GPC6: variants seen among roughly 807,000 people sequenced by gnomAD.
GPC6 encodes glypican-6.
A neutral mutation model predicts 55.2 loss-of-function variants in GPC6; 14 were observed. The ratio of observed to expected loss-of-function variants is 0.25; its 90% CI spans 0.17 to 0.40. The LOEUF is 0.40. GPC6 is among the 10% of genes least tolerant of loss of function. GPC6 has a pLI of 1.00. For synonymous variants in GPC6, 278 were observed against 259.6 expected (o/e 1.07, Z -0.68); for missense variants, 641 against 708.5 (o/e 0.90, Z 1.08).
chr13:93,966,650 C>CTTTTT (rs771603219), intron 3 of GPC6, among the ~76,000 whole-genome samples: 1 of 79,762 alleles, frequency 1.3e-5, no homozygotes, highest in African/African-American at 4.8e-5. Context: ...TTGTTTCCTT[C>CTTTTT]ATTTTTTTTT....
At chr13:93,340,026 C>CTTTTTTTTTTT (rs10714044) in intron 1 of GPC6, among the ~76,000 whole-genome samples, 1 of 81,618 alleles carries the variant, frequency 1.2e-5, no homozygotes, top group Non-Finnish European at 2.2e-5. Context: ...AGTTTTCTTT[C>CTTTTTTTTTTT]TTTTTTTTTT....
At chr13:93,442,278 A>C (rs1452909208) in intron 1 of GPC6, among the ~76,000 whole-genome samples, 5 of 152,134 alleles carry the variant, frequency 3.3e-5, no homozygotes, top group Non-Finnish European at 7.3e-5. Flanking sequence ...GTGGAATTGG[A>C]GCGAGAAAGA....
intron 3 of GPC6, among the ~76,000 whole-genome samples, chr13:93,977,712 GCTT>G (rs1401394248): frequency 6.6e-6 from 1 of 152,076 alleles, no homozygotes; most frequent in Non-Finnish European, 1.5e-5. Flanking sequence ...ACTGCCTTCT[GCTT>G]CAGCCTGACT....
Position 93,787,007 on chromosome 13 carries a change from T to C in GPC6, c.320-43147T>C, listed in dbSNP as rs191203502. 1.9e-4 allele frequency among the ~76,000 whole-genome samples: 29 copies of C among 152,326 alleles called. No individual in the cohort carries two copies. The East Asian group carries it at 4.0e-3, about 21-fold the overall frequency. On this transcript the variant is annotated intron_variant, in intron 2 of 8. Coordinates refer to ENST00000377047, the MANE Select transcript of GPC6 (RefSeq NM_005708.5). ...CCTATTGTTGTACATTTTAAGGATG[T>C]ACTGAAAGGTACTTTCAAGTCTGAA...
intron 1 of GPC6, among the ~76,000 whole-genome samples, chr13:93,389,320 A>G (rs1195652430): frequency 6.6e-6 from 1 of 150,820 alleles, no homozygotes; most frequent in Admixed American, 6.6e-5. Flanking sequence ...ACATAGTGAA[A>G]CCCCGTCTCT....
intron 2 of GPC6, among the ~76,000 whole-genome samples, chr13:93,795,494 A>G (rs550502789): frequency 6.6e-6 from 1 of 152,298 alleles, no homozygotes; most frequent in South Asian, 2.1e-4. Flanking sequence ...AATGTGTCAT[A>G]TATGTAGAAA....
In GPC6 at chr13:94,403,034, A is replaced by T. The variant is rs140343089; in HGVS notation, c.1485A>T (p.Ser495=). The change falls in exon 9 of 9, where the codon TCA becomes TCT. Residue 495 remains serine, a synonymous_variant. Coordinates refer to ENST00000377047, the MANE Select transcript of GPC6 (RefSeq NM_005708.5). Reference sequence around the variant, plus strand: ...CACTAGGTGATGAATCCAGTGGCTCAGGGAGTGGCAGTGGGTGCATGGATG... The same window carrying T: ...CACTAGGTGATGAATCCAGTGGCTCTGGGAGTGGCAGTGGGTGCATGGATG... ...FQDTSDESSG[S]GSGSGCMDDV... The T allele has an allele frequency of 3.8e-4, 607 of 1,612,400 alleles. 2 individuals are homozygous for T. The highest frequency in any genetic ancestry group is 2.5e-3 in the African/African-American group (190 of 75,008).
intron 2 of GPC6, among the ~76,000 whole-genome samples, chr13:93,549,294 C>T (rs1874995887): frequency 6.6e-6 from 1 of 152,134 alleles, no homozygotes; most frequent in African/African-American, 2.4e-5. Flanking sequence ...TCTTTGTGTA[C>T]TCACTCATTT....
At chr13:93,737,049 C>A (rs1029818749) in intron 2 of GPC6, among the ~76,000 whole-genome samples, 1 of 152,130 alleles carries the variant, frequency 6.6e-6, no homozygotes, top group African/African-American at 2.4e-5. Context: ...CTGTGTCCAC[C>A]TTACTTTTGC....
intron 2 of GPC6, among the ~76,000 whole-genome samples, chr13:93,581,023 G>A (rs73541544): frequency 0.062 from 9,385 of 152,058 alleles, 926 homozygotes; most frequent in African/African-American, 0.21. Context: ...GAAAATAGGC[G>A]ATTTTGAGCC....
intron 4 of GPC6, among the ~76,000 whole-genome samples, chr13:94,202,388 C>T (rs905939691): frequency 3.9e-5 from 6 of 152,250 alleles, no homozygotes; most frequent in African/African-American, 7.2e-5. Flanking sequence ...CAGTTCCACA[C>T]GGCTGGGGAA....
chr13:93,837,997 C>G (rs941014215), intron 3 of GPC6, among the ~76,000 whole-genome samples: 1 of 152,240 alleles, frequency 6.6e-6, no homozygotes, highest in Admixed American at 6.5e-5. Flanking sequence ...GAGACCTTAA[C>G]TGAACCCTTG....
In GPC6 at chr13:93,385,011, G is replaced by A. The variant is rs143814178; in HGVS notation, c.160+157395G>A. On this transcript the variant is annotated intron_variant, in intron 1 of 8. Coordinates refer to ENST00000377047, the MANE Select transcript of GPC6 (RefSeq NM_005708.5). ...TTCTACTGGAGAGACCAGTAGAAGG[G>A]AATCAAATAAGCAAGTAACTCAAAC... Among the ~76,000 whole-genome samples the A allele has an allele frequency of 8.9e-4, 135 of 152,282 alleles. No individual in the cohort carries two copies. In the Middle Eastern group the frequency reaches 0.01, roughly 12 times the overall value.
At chr13:93,306,090 A>G (rs1032235836) in intron 1 of GPC6, among the ~76,000 whole-genome samples, 3 of 152,220 alleles carry the variant, frequency 2.0e-5, no homozygotes, top group Non-Finnish European at 4.4e-5. Flanking sequence ...TATGACACAT[A>G]AAGTAATTAT....
chr13:93,371,383 G>T (rs918085340), intron 1 of GPC6, among the ~76,000 whole-genome samples: 2 of 152,030 alleles, frequency 1.3e-5, no homozygotes, highest in South Asian at 2.1e-4. Flanking sequence ...AATAATGAGA[G>T]ATAATATTGG....
rs191492930 is a variant in GPC6 at position 93,289,668 on chromosome 13, A to G, written c.160+62052A>G. On this transcript the variant is annotated intron_variant, in intron 1 of 8. Transcript: ENST00000377047. ...ACTTGTATGCACAGTTCAGCCTTTC[A>G]GTTTAGAGGATCAAATCCTACCAAG... Among the ~76,000 whole-genome samples the G allele has an allele frequency of 3.3e-3, 503 of 152,284 alleles. 3 individuals carry two copies. Among genetic ancestry groups the G allele is most frequent in the African/African-American group, 0.011 (458 of 41,580 alleles).
chr13:93,292,529 G>A (rs1004912951), intron 1 of GPC6, among the ~76,000 whole-genome samples: 13 of 152,112 alleles, frequency 8.5e-5, no homozygotes, highest in African/African-American at 3.1e-4. Flanking sequence ...TTTAAAGAAA[G>A]CGTTTCCATG....
At chr13:93,885,061 T>C (rs547788291) in intron 3 of GPC6, among the ~76,000 whole-genome samples, 2 of 152,132 alleles carry the variant, frequency 1.3e-5, no homozygotes, top group South Asian at 4.1e-4. Flanking sequence ...TGGGTGGGCA[T>C]TGAGAGATTA....
chr13:94,244,282 C>T (rs1005231762), intron 4 of GPC6, among the ~76,000 whole-genome samples: 1 of 152,032 alleles, frequency 6.6e-6, no homozygotes, highest in African/African-American at 2.4e-5. Context: ...TAATTATGTC[C>T]GCATTATTTT....
Sources: allele counts gnomAD v4.1 joint callset (sites outside exome capture counted in the v4.1 genomes callset), GRCh38; gene constraint gnomAD v4.1.1; transcripts MANE v1.5; gene names NCBI Gene and HGNC (gene_info 2026-07-23, HGNC 2026-07-21).